Variants in PTGIR observed in about 807,000 individuals in gnomAD.
PTGIR encodes prostacyclin receptor.
PTGIR carries 16 observed loss-of-function variants against 17.6 expected under a neutral mutation model. The ratio of observed to expected loss-of-function variants is 0.91; its 90% CI spans 0.61 to 1.38. PTGIR has a LOEUF of 1.38. Among genes scored for constraint, PTGIR ranks in the 40% most tolerant of loss-of-function variants. The pLI, the probability that PTGIR is intolerant of heterozygous loss-of-function variation, is 0.00. For missense variants in PTGIR, 532 were observed against 548.6 expected (o/e 0.97, Z 0.30); for synonymous variants, 274 against 255.4 (o/e 1.07, Z -0.69).
At chr19:46,623,166 G>A in intron 2 of PTGIR, 1 of 247,838 alleles carries the variant, frequency 4.0e-6, no homozygotes, top group African/African-American at 2.2e-5. Flanking sequence ...TTATTTATTT[G>A]TTGTATTTTT....
rs199687731 is a variant in PTGIR, at chr19:46,623,558, G to T, written c.668C>A (p.Ser223Tyr). 10 of 1,554,702 alleles carry T rather than the reference G, an allele frequency of 6.4e-6. No homozygotes were observed. The highest frequency in any genetic ancestry group is 8.7e-6 in the Non-Finnish European group (10 of 1,149,034). Reference protein sequence around the residue: ...MYRQQKRHQGSLGPRPRTGED... With the variant: ...MYRQQKRHQGYLGPRPRTGED... ...TCCGGTGCGCGGCCGTGGACCCAGA[G>T]AGCCCTGGTGGCGCTTCTGCTGGCG... Residue 223 changes from serine (S) to tyrosine (Y), a missense_variant, in exon 2 of 3, where the codon TCT (serine) becomes TAT (tyrosine). By Grantham distance (144) the Ser-to-Tyr change is moderately radical. Transcript: ENST00000291294.
In PTGIR at chr19:46,620,469, C is replaced by G; in HGVS notation, c.*811G>C. 1 of 985,350 alleles carries G rather than the reference C, an allele frequency of 1.0e-6. No homozygotes were observed. Among genetic ancestry groups the G allele is most frequent in the East Asian group, 1.1e-4 (1 of 8,838 alleles). The allele number at this position is 985,350 out of a possible 1,614,324, so 61.0% of individuals were successfully genotyped here. ...GCTCTAAGGACACATAACATGAGGTCAGGCTCTGCAAGGAGGCTTTTATTT... is the reference window on the plus strand; with the variant it reads ...GCTCTAAGGACACATAACATGAGGTGAGGCTCTGCAAGGAGGCTTTTATTT... On this transcript the variant is annotated 3_prime_UTR_variant, in exon 3 of 3. Transcript: ENST00000291294.
In PTGIR at chr19:46,621,534, G is replaced by C. The variant is rs1275706831; in HGVS notation, c.907C>G (p.Leu303Val). Residue 303 changes from leucine to valine, a missense_variant, in exon 3 of 3, where the codon CTC (leucine) becomes GTC (valine). Transcript: ENST00000291294. The surrounding 1 kb of genome is among the most constrained non-coding windows in gnomAD (Gnocchi z 4.8). ...CACAGGCAGCAGACCCAGAGCTTGA[G>C]TCGCTGGAAGACAGCCTTGCGGAAA... is the stretch of plus-strand genomic sequence containing the variant. ...ILFRKAVFQRLKLWVCCLCLG... is the reference protein window; with the variant it reads ...ILFRKAVFQRVKLWVCCLCLG... The C allele has an allele frequency of 6.2e-7, 1 of 1,614,080 alleles. No homozygotes were observed. The highest frequency in any genetic ancestry group is 8.5e-7 in the Non-Finnish European group (1 of 1,180,048).
the PTGIR span, among the ~76,000 whole-genome samples, chr19:46,611,763 G>A: frequency 9.2e-5 from 14 of 152,232 alleles, no homozygotes; most frequent in Non-Finnish European, 1.8e-4. Context: ...ATAGTGGAGG[G>A]ATGGGTCAGA....
the PTGIR span, among the ~76,000 whole-genome samples, chr19:46,612,867 G>A: frequency 2.0e-5 from 3 of 152,178 alleles, no homozygotes; most frequent in South Asian, 4.2e-4. Context: ...GTGAGTCTTC[G>A]TGCTCACTAA....
the PTGIR span, among the ~76,000 whole-genome samples, chr19:46,614,858 T>C: frequency 6.6e-6 from 1 of 152,150 alleles, no homozygotes; most frequent in Non-Finnish European, 1.5e-5. Context: ...CCGTTCCTAC[T>C]AAAAATACAA....
At chr19:46,617,686 G>A (rs1212877548), downstream of PTGIR, among the ~76,000 whole-genome samples, 4 of 152,096 alleles carry the variant, frequency 2.6e-5, no homozygotes, top group African/African-American at 7.2e-5. Context: ...GAGAGGAGGT[G>A]AGCACCCTTC....
the PTGIR span, among the ~76,000 whole-genome samples, chr19:46,615,074 A>AG: frequency 0.16 from 24,290 of 152,130 alleles, 2,480 homozygotes; most frequent in Non-Finnish European, 0.23. Context: ...CTATAATCTC[A>AG]GCTAGTCGAG....
At chr19:46,622,195 G>A in intron 2 of PTGIR, 2 of 985,430 alleles carry the variant, frequency 2.0e-6, no homozygotes, top group African/African-American at 3.5e-5. Flanking sequence ...GGGTACCAGG[G>A]TCTGTGCCAC....
chr19:46,619,775 C>T (rs947147224), downstream of PTGIR, among the ~76,000 whole-genome samples: 1 of 152,164 alleles, frequency 6.6e-6, no homozygotes, highest in African/African-American at 2.4e-5. Flanking sequence ...TCAGGCCTCA[C>T]GTACCGCGCC....
Position 46,620,605 on chromosome 19 carries a change from A to T in PTGIR, c.*675T>A. ...CAGCTTCTCCATCTGTCTCCCCACCACCTGCACCCCCCCAGTTCTCATCTT... is the reference window on the plus strand; with the variant it reads ...CAGCTTCTCCATCTGTCTCCCCACCTCCTGCACCCCCCCAGTTCTCATCTT... On this transcript the variant is annotated 3_prime_UTR_variant, in exon 3 of 3. Transcript: ENST00000291294. The T allele has an allele frequency of 3.1e-6, 3 of 978,476 alleles. No individual in the cohort carries two copies. The highest frequency in any genetic ancestry group is 3.6e-6 in the Non-Finnish European group (3 of 827,038). The allele number at this position is 978,476 out of a possible 1,614,324, so 60.6% of individuals were successfully genotyped here.
At chr19:46,619,906 G>A (rs1249260875), downstream of PTGIR, among the ~76,000 whole-genome samples, 4 of 151,998 alleles carry the variant, frequency 2.6e-5, no homozygotes, top group Admixed American at 6.6e-5. Context: ...CACCCTAAAC[G>A]CCTACTCACT....
At chr19:46,617,468 T>A (rs2122300125), downstream of PTGIR, among the ~76,000 whole-genome samples, 1 of 152,186 alleles carries the variant, frequency 6.6e-6, no homozygotes, top group Non-Finnish European at 1.5e-5. Flanking sequence ...CAGTGAGATG[T>A]CAGGCCCTGG....
the PTGIR span, among the ~76,000 whole-genome samples, chr19:46,614,766 A>G: frequency 2.6e-5 from 4 of 152,126 alleles, no homozygotes; most frequent in Admixed American, 2.6e-4. Flanking sequence ...CACGCTTCTA[A>G]TCCCAGCACT....
rs762475235 is a variant in PTGIR, at chr19:46,621,568, G to A, written c.873C>T (p.Val291=). ...AGACAGCCTTGCGGAAAAGGATGAA[G>A]ACCCAGGGGTCCAGGATGGGGTTGA... ...YAFNPILDPW[V]FILFRKAVFQ... The change falls in exon 3 of 3, where the codon GTC becomes GTT. Residue 291 remains valine (V), a synonymous_variant. Coordinates refer to ENST00000291294, the MANE Select transcript of PTGIR (RefSeq NM_000960.4). The surrounding 1 kb of genome is among the most constrained non-coding windows in gnomAD (Gnocchi z 4.8). 43 of 1,613,980 alleles carry A rather than the reference G, an allele frequency of 2.7e-5. No homozygotes were observed. The highest frequency in any genetic ancestry group is 3.6e-5 in the Non-Finnish European group (42 of 1,180,064).
chr19:46,621,081 C>A lies in PTGIR; in HGVS notation c.*199G>T, dbSNP rs2052720838. 18 of 1,269,096 alleles carry A rather than the reference C, an allele frequency of 1.4e-5. No homozygotes were observed. The highest frequency in any genetic ancestry group is 1.5e-5 in the Non-Finnish European group (15 of 1,009,260). 78.6% of individuals were successfully genotyped at this position (1,269,096 alleles called of 1,614,324 possible). On this transcript the variant is annotated 3_prime_UTR_variant, in exon 3 of 3. Transcript: ENST00000291294. The surrounding 1 kb of genome is among the most constrained non-coding windows in gnomAD (Gnocchi z 4.8). ...TTGAGAGAACCATTCTTTCTGCACT[C>A]CAGGATAAACGTTTCCTCTGTCCCT...
At chr19:46,611,189 G>A in the PTGIR span, among the ~76,000 whole-genome samples, 59 of 99,126 alleles carry the variant, frequency 6.0e-4, no homozygotes, top group East Asian at 6.4e-3. Context: ...ATTCCAGTTC[G>A]GGGGGACGAC....
At chr19:46,617,844 CTTTT>C (rs61603656), downstream of PTGIR, among the ~76,000 whole-genome samples, 1 of 138,554 alleles carries the variant, frequency 7.2e-6, no homozygotes, top group Admixed American at 7.2e-5. Flanking sequence ...TTAACAAGGG[CTTTT>C]TTTTTTTTTT....
At chr19:46,623,378 T>G (rs1281169912) in intron 2 of PTGIR, 80 bp downstream of exon 2, 7 of 1,412,020 alleles carry the variant, frequency 5.0e-6, no homozygotes, top group Non-Finnish European at 1.9e-6. Flanking sequence ...AGCCTCAGTC[T>G]CCCCATCTGT....
Sources: gnomAD v4.1 joint callset for allele counts (sites outside exome capture counted in the v4.1 genomes callset) on GRCh38, gnomAD v4.1.1 for gene constraint, Gnocchi (gnomAD v3.1) non-coding constraint, MANE v1.5 for transcripts, NCBI Gene and HGNC (gene_info 2026-07-23, HGNC 2026-07-21) for gene names.